The following SDK1 variants were observed in gnomAD, a reference collection of about 807,000 sequenced individuals.
SDK1 encodes protein sidekick-1.
In SDK1, 157 loss-of-function variants were observed where a neutral mutation model predicts 245.5. That is an observed-to-expected ratio of 0.64 (90% confidence interval 0.56 to 0.73). The LOEUF (loss-of-function observed/expected upper bound fraction) is 0.73. Among genes scored for constraint, SDK1 ranks in the 30% least tolerant of loss-of-function variants. The pLI is 0.00. For missense variants in SDK1, 3,583 were observed against 3,002.3 expected, an observed-to-expected ratio of 1.19 and a Z score of -4.52; for synonymous variants, 1,647 against 1,278.5, an observed-to-expected ratio of 1.29 and a Z score of -6.15.
intron 5 of SDK1, among the ~76,000 whole-genome samples, chr7:3,924,890 G>A (rs1779714787): frequency 1.3e-5 from 2 of 152,066 alleles, no homozygotes; most frequent in African/African-American, 4.8e-5. Context: ...CACTTGTCTG[G>A]TGCTTCAAGC....
intron 4 of SDK1, among the ~76,000 whole-genome samples, chr7:3,767,411 C>T (rs959762512): frequency 2.6e-5 from 4 of 152,122 alleles, no homozygotes; most frequent in African/African-American, 9.7e-5. Flanking sequence ...TGAAAGCCCA[C>T]GGGATGAGAC....
intron 5 of SDK1, among the ~76,000 whole-genome samples, chr7:3,916,919 C>T (rs760385762): frequency 6.6e-6 from 1 of 152,180 alleles, no homozygotes; most frequent in South Asian, 2.1e-4. Context: ...CTGATACAGG[C>T]ACAGATGCAG....
At chr7:3,987,996 CT>C in intron 14 of SDK1, among the ~76,000 whole-genome samples, 1 of 152,178 alleles carries the variant, frequency 6.6e-6, no homozygotes, top group East Asian at 1.9e-4. Context: ...GCATATTTTC[CT>C]TGATGACTCG....
intron 32 of SDK1, among the ~76,000 whole-genome samples, chr7:4,164,245 C>A (rs1221391373): frequency 1.3e-5 from 2 of 152,236 alleles, no homozygotes; most frequent in African/African-American, 2.4e-5. Context: ...GTCTGGGAGC[C>A]ACTGGAAAAG....
At chr7:3,997,580 C>T (rs1784775833) in intron 14 of SDK1, among the ~76,000 whole-genome samples, 1 of 152,210 alleles carries the variant, frequency 6.6e-6, no homozygotes. Flanking sequence ...CTGCAGCTCT[C>T]AGCAGAGGGT....
chr7:3,989,006 T>C (rs1784084443), intron 14 of SDK1, among the ~76,000 whole-genome samples: 1 of 152,170 alleles, frequency 6.6e-6, no homozygotes, highest in Non-Finnish European at 1.5e-5. Context: ...CTGCCCACCT[T>C]GGCCTCCCAA....
intron 4 of SDK1, among the ~76,000 whole-genome samples, chr7:3,655,583 T>C (rs1783157856): frequency 6.7e-6 from 1 of 148,472 alleles, no homozygotes; most frequent in Admixed American, 6.7e-5. Flanking sequence ...CCCTCTTACA[T>C]ACACTTGCTT....
At chr7:3,663,368 C>A (rs1583284694) in intron 4 of SDK1, among the ~76,000 whole-genome samples, 1 of 152,100 alleles carries the variant, frequency 6.6e-6, no homozygotes, top group African/African-American at 2.4e-5. Flanking sequence ...AGTATCTGTT[C>A]CCTTCTGGTG....
At chr7:3,832,373 G>T (rs1395828412) in intron 5 of SDK1, among the ~76,000 whole-genome samples, 1 of 152,130 alleles carries the variant, frequency 6.6e-6, no homozygotes, top group African/African-American at 2.4e-5. Context: ...TCACCTTTTG[G>T]TAGCAGTTCA....
Position 3,929,600 on chromosome 7 carries a change from C to G in SDK1, c.848-21323C>G, listed in dbSNP as rs560173094. Among the ~76,000 whole-genome samples, 5 of 152,240 alleles carry G rather than the reference C, an allele frequency of 3.3e-5. No homozygotes were observed. The East Asian group carries it at 9.6e-4, about 29-fold the overall frequency. The stretch of plus-strand genomic sequence containing the variant: ...TGGGACTGTTCTAAACTCCTTTGAA[C>G]AAAATGTTGATTGAAGTGTTATCTT... On this transcript the variant is annotated intron_variant, in intron 5 of 44. Transcript: ENST00000404826.
At chr7:3,342,361 G>T (rs1240098625) in intron 1 of SDK1, among the ~76,000 whole-genome samples, 1 of 152,158 alleles carries the variant, frequency 6.6e-6, no homozygotes, top group Admixed American at 6.5e-5. Context: ...GGCCGAAGTG[G>T]GTGGATCACC....
chr7:4,265,345 C>G lies in SDK1; in HGVS notation c.6603C>G (p.Gly2201=). 1 of 1,463,390 alleles carries G rather than the reference C, an allele frequency of 6.8e-7. No homozygotes were observed. The highest frequency in any genetic ancestry group is 1.4e-5 in the South Asian group (1 of 70,700). The allele number at this position is 1,463,390 out of a possible 1,614,324, so 90.7% of individuals were successfully genotyped here. ...GCGTCTACACCCCCGCTGGCCCCGG[C>G]GCGCGAACTCCGCTCACCGGCTTCT... ...AGGVYTPAGP[G]ARTPLTGFSS... is the part of the protein sequence containing the mutation. The change falls in exon 45 of 45, where the codon GGC becomes GGG. Residue 2201 remains glycine, a synonymous_variant. Transcript: ENST00000404826.
intron 20 of SDK1, among the ~76,000 whole-genome samples, chr7:4,076,421 T>C (rs1359347637): frequency 6.6e-6 from 1 of 152,074 alleles, no homozygotes; most frequent in Non-Finnish European, 1.5e-5. Flanking sequence ...CCAGGCATGG[T>C]GGTTCACGCC....
At chr7:3,606,033 A>T (rs1781413752) in intron 1 of SDK1, among the ~76,000 whole-genome samples, 1 of 152,198 alleles carries the variant, frequency 6.6e-6, no homozygotes, top group African/African-American at 2.4e-5. Flanking sequence ...CATACACTTC[A>T]TGAATCTAAC....
In SDK1 at chr7:4,206,003, C is replaced by T. The variant is rs1307503752; in HGVS notation, c.5214+9C>T. 7.9e-6 allele frequency: 12 copies of T among 1,514,408 alleles called. No homozygotes were observed. Among genetic ancestry groups the T allele is most frequent in the Admixed American group, 2.1e-5 (1 of 48,168 alleles). The allele number at this position is 1,514,408 out of a possible 1,614,324, so 93.8% of individuals were successfully genotyped here. A position where few individuals can be genotyped will look rare whatever the true frequency, so the allele number is the denominator to read the frequency against. ...ACATCCAAGGCTACAAGGCAAGGCC[C>T]TCCCGTGCGGTTGCCTCCCCTGGCT... On this transcript the variant is annotated intron_variant, in intron 36 of 44. Coordinates refer to ENST00000404826, the MANE Select transcript of SDK1 (RefSeq NM_152744.4).
intron 4 of SDK1, among the ~76,000 whole-genome samples, chr7:3,793,315 C>G (rs1001673955): frequency 1.3e-5 from 2 of 152,070 alleles, no homozygotes; most frequent in African/African-American, 4.8e-5. Context: ...TTTGAAAAGA[C>G]CTGATTATTA....
At chr7:4,215,098 A>C (rs1302655486) in intron 38 of SDK1, among the ~76,000 whole-genome samples, 1 of 152,224 alleles carries the variant, frequency 6.6e-6, no homozygotes, top group Non-Finnish European at 1.5e-5. Flanking sequence ...GGTATTGGCC[A>C]GAACCCTGGC....
At chr7:4,007,173 G>A (rs764849401) in intron 14 of SDK1, among the ~76,000 whole-genome samples, 2 of 152,250 alleles carry the variant, frequency 1.3e-5, no homozygotes, top group Non-Finnish European at 2.9e-5. Flanking sequence ...GTTCCTGAAT[G>A]AGAGCAATCA....
chr7:3,389,899 C>T (rs1316544020), intron 1 of SDK1, among the ~76,000 whole-genome samples: 2 of 152,068 alleles, frequency 1.3e-5, no homozygotes, highest in Non-Finnish European at 2.9e-5. Flanking sequence ...TAAAAAACCC[C>T]AGGTTGCCTT....
Sources: allele counts gnomAD v4.1 joint callset (sites outside exome capture counted in the v4.1 genomes callset), GRCh38; gene constraint gnomAD v4.1.1; transcripts MANE v1.5; gene names NCBI Gene and HGNC (gene_info 2026-07-23, HGNC 2026-07-21).